Variants in TMC3 observed in about 807,000 individuals in gnomAD.
The protein encoded by TMC3 is transmembrane channel-like protein 3.
TMC3 carries 98 observed loss-of-function variants against 110.6 expected under a neutral mutation model. The ratio of observed to expected loss-of-function variants is 0.89; its 90% confidence interval spans 0.75 to 1.05. The LOEUF is 1.05. Ranked by LOEUF, TMC3 falls within the 50% of genes least tolerant of loss-of-function variation. TMC3 has a pLI of 0.00. For missense variants in TMC3, 1,319 were observed against 1,373.2 expected (o/e 0.96, Z 0.62); for synonymous variants, 489 against 513.1 (o/e 0.95, Z 0.63).
intron 10 of TMC3, among the ~76,000 whole-genome samples, 195 bp from the exon 11 acceptor site, chr15:81,349,762 T>TTTG (rs1329613137): frequency 5.4e-5 from 8 of 149,450 alleles, no homozygotes; most frequent in African/African-American, 2.0e-4. Flanking sequence ...TCATGGTCTT[T>TTTG]TTTTTTTTTT....
intron 2 of TMC3, among the ~76,000 whole-genome samples, chr15:81,370,953 A>T (rs929056035): frequency 5.9e-5 from 9 of 152,040 alleles, no homozygotes; most frequent in African/African-American, 2.2e-4. Flanking sequence ...GATTATAGGC[A>T]TGAGCCACCG....
rs1198704829 is a variant in TMC3 at position 81,333,213 on chromosome 15, A to G, written c.2509T>C (p.Ser837Pro). ...GTTGTAAATGTCATAGGTGTGCGCG[A>G]TCTGTTCCTGTGAAGGTCACTGGTG... ...ASTSDLHRNRSRTPMTFTTHI... is the reference protein window; with the variant it reads ...ASTSDLHRNRPRTPMTFTTHI... Residue 837 changes from serine (S) to proline (P), a missense_variant, in exon 22 of 22, where the codon TCG (serine) becomes CCG (proline). Coordinates refer to ENST00000359440, the MANE Select transcript of TMC3 (RefSeq NM_001080532.3). 4 of 1,613,712 alleles carry G rather than the reference A, an allele frequency of 2.5e-6. No individual in the cohort carries two copies. Among genetic ancestry groups the G allele is most frequent in the Middle Eastern group, 1.6e-4 (1 of 6,080 alleles).
rs755631854 is a variant in TMC3, at chr15:81,332,890, T to C, written c.2832A>G (p.Glu944=). Residue 944 remains glutamate (E), a synonymous_variant, in exon 22 of 22, where the codon GAA becomes GAG. Coordinates refer to ENST00000359440, the MANE Select transcript of TMC3 (RefSeq NM_001080532.3). The stretch of plus-strand genomic sequence containing the variant: ...AATCTCTGCTTGGCGTCTCCTCCTC[T>C]TCTTCACTCAGCTGTGGGGAGGGAG... ...RQPPSPQLSE[E]EEETPSRDWI... 5 of 1,607,136 alleles carry C rather than the reference T, an allele frequency of 3.1e-6. No homozygotes were observed. The highest frequency in any genetic ancestry group is 4.3e-6 in the Non-Finnish European group (5 of 1,176,190).
Position 81,332,781 on chromosome 15 carries a change from G to T in TMC3, c.2941C>A (p.Gln981Lys). ...HFYIGERSESQTRDPEHQGRV... is the reference protein window; with the variant it reads ...HFYIGERSESKTRDPEHQGRV... ...CCCTGGTGCTCGGGATCCCGGGTCT[G>T]ACTTTCGGACCTCTCCCCAATATAA... Residue 981 changes from glutamine to lysine, a missense_variant, in exon 22 of 22, where the codon CAG becomes AAG. Transcript: ENST00000359440. 1 of 1,611,222 alleles carries T rather than the reference G, an allele frequency of 6.2e-7. No individual in the cohort carries two copies. The highest frequency in any genetic ancestry group is 2.2e-5 in the East Asian group (1 of 44,796).
At chr15:81,356,706 C>T (rs572531116) in intron 7 of TMC3, 112 bp from the exon 8 acceptor site, 33 of 1,188,132 alleles carry the variant, frequency 2.8e-5, no homozygotes, top group South Asian at 1.1e-4. Flanking sequence ...TCTGGGTGGA[C>T]GCAGCTCCTC....
In TMC3 at chr15:81,349,556, C is replaced by T; in HGVS notation, c.1095G>A (p.Val365=). ...GTGCTATCATGGTGACGAGGGAGACCACCACACTGACCTGCTGAGAGAGCA... is the reference window on the plus strand; with the variant it reads ...GTGCTATCATGGTGACGAGGGAGACTACCACACTGACCTGCTGAGAGAGCA... ...TLWEKNEVSV[V]VSLVTMIAPS... The change falls in exon 11 of 22, where the codon GTG becomes GTA. Residue 365 remains valine, a synonymous_variant. Coordinates refer to ENST00000359440, the MANE Select transcript of TMC3 (RefSeq NM_001080532.3). The T allele has an allele frequency of 3.3e-6, 5 of 1,525,834 alleles. No individual in the cohort carries two copies. Among genetic ancestry groups the T allele is most frequent in the Non-Finnish European group, 4.4e-6 (5 of 1,134,636 alleles). 94.5% of individuals were successfully genotyped at this position (1,525,834 alleles called of 1,614,324 possible).
intron 3 of TMC3, among the ~76,000 whole-genome samples, chr15:81,366,348 GA>G (rs1308405361): frequency 2.0e-5 from 3 of 152,178 alleles, no homozygotes; most frequent in Non-Finnish European, 4.4e-5. Flanking sequence ...TCTAAAAGGG[GA>G]GAACAGCCAG....
intron 17 of TMC3, among the ~76,000 whole-genome samples, chr15:81,339,081 A>G (rs548114165): frequency 6.6e-6 from 1 of 152,388 alleles, no homozygotes; most frequent in Admixed American, 6.5e-5. Context: ...AGGAAAAAAA[A>G]GTGCTGTGCA....
Position 81,332,792 on chromosome 15 carries a change from C to G in TMC3, c.2930G>C (p.Arg977Thr). ...RRAPHFYIGERSESQTRDPEH... is the reference protein window; with the variant it reads ...RRAPHFYIGETSESQTRDPEH... ...GGGATCCCGGGTCTGACTTTCGGAC[C>G]TCTCCCCAATATAAAAATGAGGAGC... Residue 977 changes from arginine to threonine, a missense_variant, in exon 22 of 22, where the codon AGG becomes ACG. Arg to Thr is a moderately conservative substitution (Grantham distance 71, BLOSUM62 -1). Transcript: ENST00000359440. The G allele has an allele frequency of 6.2e-7, 1 of 1,611,174 alleles. No homozygotes were observed. The highest frequency in any genetic ancestry group is 1.1e-5 in the South Asian group (1 of 90,746).
Position 81,332,907 on chromosome 15 carries a change from G to A in TMC3, c.2815C>T (p.Pro939Ser), listed in dbSNP as rs1401022473. 1 of 1,613,244 alleles carries A rather than the reference G, an allele frequency of 6.2e-7. No homozygotes were observed. The highest frequency in any genetic ancestry group is 8.5e-7 in the Non-Finnish European group (1 of 1,179,850). Residue 939 changes from proline (P) to serine (S), a missense_variant, in exon 22 of 22, where the codon CCA becomes TCA. By Grantham distance (74) the Pro-to-Ser change is moderately conservative (BLOSUM62 -1). Transcript: ENST00000359440. The stretch of plus-strand genomic sequence containing the variant: ...TCCTCCTCTTCTTCACTCAGCTGTG[G>A]GGAGGGAGGCTGGCGGGGGACCCGG... Reference protein sequence around the residue: ...ASRVPRQPPSPQLSEEEEETP... With the variant: ...ASRVPRQPPSSQLSEEEEETP...
chr15:81,361,595 C>T (rs1166601746), intron 4 of TMC3, among the ~76,000 whole-genome samples: 2 of 152,068 alleles, frequency 1.3e-5, no homozygotes, highest in Non-Finnish European at 2.9e-5. Context: ...TTGTTAAATA[C>T]TTGGTAACAA....
rs553408779 is a variant in TMC3 at position 81,344,908 on chromosome 15, C to T, written c.1376G>A (p.Gly459Glu). Residue 459 changes from glycine (G) to glutamate (E), a missense_variant, in exon 13 of 22, where the codon GGA becomes GAA. By Grantham distance (98) the Gly-to-Glu change is moderately conservative. Coordinates refer to ENST00000359440, the MANE Select transcript of TMC3 (RefSeq NM_001080532.3). ...TGTGTTGTTTCTCCTGAGCCCCATT[C>T]CAGGCCGAGATGTGGACCATTTCTC... ...EEEKWSTSRP[G>E]MGLRRNNTWA... The T allele has an allele frequency of 4.3e-6, 7 of 1,613,930 alleles. No homozygotes were observed. In the East Asian group the frequency reaches 8.9e-5, roughly 21 times the overall value.
chr15:81,362,426 T>C lies in TMC3; in HGVS notation c.313-125A>G. On this transcript the variant is annotated intron_variant, in intron 3 of 21. Transcript: ENST00000359440. ...TGGTACCTTTAATTATGATTATGGC[T>C]TCATAGGCCTTTAAGCTGCACTAGA... 4.3e-6 allele frequency: 3 copies of C among 699,876 alleles called. No individual in the cohort carries two copies. In the South Asian group the frequency reaches 5.2e-5, roughly 12 times the overall value. 43.4% of individuals were successfully genotyped at this position (699,876 alleles called of 1,614,324 possible).
In TMC3 at chr15:81,332,588, G is replaced by T. The variant is rs150843673; in HGVS notation, c.3134C>A (p.Ser1045Ter). ...CTGCTGGTCACTGCTGGATGCTGCC[G>T]ACACGGAGTCAGATTCCGTGAGGGA... ...EPSLTESDSV[S>*]AASSSDQQNS... Residue 1045 changes from serine to a stop codon, truncating the protein, a stop_gained, in exon 22 of 22, where the codon TCG becomes TAG. Coordinates refer to ENST00000359440, the MANE Select transcript of TMC3 (RefSeq NM_001080532.3). LOFTEE classifies it low-confidence loss of function (END_TRUNC). 0.018 allele frequency: 28,705 copies of T among 1,613,954 alleles called. 304 individuals are homozygous for T. Among genetic ancestry groups the T allele is most frequent in the Non-Finnish European group, 0.022 (25,482 of 1,179,870 alleles).
chr15:81,332,650 G>A lies in TMC3; in HGVS notation c.3072C>T (p.Pro1024=). 1.2e-6 allele frequency: 2 copies of A among 1,614,022 alleles called. No individual in the cohort carries two copies. The highest frequency in any genetic ancestry group is 1.3e-5 in the African/African-American group (1 of 75,054). The part of the protein sequence containing the change: ...PRSRNFQYPQ[P]PLKPRGKPRF... The stretch of plus-strand genomic sequence containing the variant: ...TGGGCTTCCCTCTGGGCTTCAGAGG[G>A]GGCTGTGGGTATTGGAAATTCCGGG... The change falls in exon 22 of 22, where the codon CCC becomes CCT. Residue 1024 remains proline (P), a synonymous_variant. Transcript: ENST00000359440.
rs577842825 is a variant in TMC3 at position 81,368,871 on chromosome 15, A to G, written c.237-543T>C. On this transcript the variant is annotated intron_variant, in intron 2 of 21. Transcript: ENST00000359440. ...ACACTGATTGATCACTCTTGAATTA[A>G]CCTGATATCTCTGCCTAAATGTTCA... Among the ~76,000 whole-genome samples the G allele has an allele frequency of 1.2e-3, 187 of 152,214 alleles. 1 individual carries two copies. Among genetic ancestry groups the G allele is most frequent in the African/African-American group, 4.2e-3 (176 of 41,512 alleles).
In TMC3 at chr15:81,344,874, C is replaced by T. The variant is rs772005029; in HGVS notation, c.1410G>A (p.Leu470=). The T allele has an allele frequency of 3.1e-6, 5 of 1,613,870 alleles. No homozygotes were observed. The highest frequency in any genetic ancestry group is 4.2e-6 in the Non-Finnish European group (5 of 1,179,896). ...MGLRRNNTWA[L]EETSISAYTM... is the part of the protein sequence containing the mutation. ...TATAAGCTGAAATGCTGGTCTCTTC[C>T]AAGGCCCATGTGTTGTTTCTCCTGA... Residue 470 remains leucine, a synonymous_variant, in exon 13 of 22, where the codon TTG becomes TTA. Transcript: ENST00000359440.
chr15:81,343,926 C>G lies in TMC3; in HGVS notation c.1638G>C (p.Glu546Asp), dbSNP rs7161991. 6.2e-7 allele frequency: 1 copy of G among 1,611,764 alleles called. No homozygotes were observed. The highest frequency in any genetic ancestry group is 8.5e-7 in the Non-Finnish European group (1 of 1,178,632). ...ACAGCATTTTACTTACAAACTTGCT[C>G]TCCAGATCCCAACACCAGTAGTCAC... ...YLSDYWCWDLESKFPEYGEFK... is the reference protein window; with the variant it reads ...YLSDYWCWDLDSKFPEYGEFK... Residue 546 changes from glutamate (E) to aspartate (D), a missense_variant, in exon 14 of 22, where the codon GAG becomes GAC. Physicochemically the swap from Glu to Asp is conservative, Grantham distance 45. Transcript: ENST00000359440.
intron 4 of TMC3, among the ~76,000 whole-genome samples, chr15:81,359,770 G>A (rs138512321): frequency 6.6e-6 from 1 of 152,228 alleles, no homozygotes; most frequent in African/African-American, 2.4e-5. Flanking sequence ...AATATTTCAT[G>A]TATGTTAACA....
Sources: gnomAD v4.1 joint callset for allele counts (sites outside exome capture counted in the v4.1 genomes callset) on GRCh38, gnomAD v4.1.1 for gene constraint, MANE v1.5 for transcripts, NCBI Gene and HGNC (gene_info 2026-07-23, HGNC 2026-07-21) for gene names.